The following SLC25A18 variants were observed in gnomAD, a reference collection of about 807,000 sequenced individuals.
SLC25A18 encodes mitochondrial glutamate carrier 2.
SLC25A18 carries 24 observed loss-of-function variants against 31.1 expected under a neutral mutation model. The observed-to-expected ratio is 0.77, with a 90% CI of 0.56 to 1.08. The LOEUF is 1.08. SLC25A18 is among the 50% of genes least tolerant of loss of function. The pLI is 0.00. For synonymous variants in SLC25A18, 173 were observed against 161.9 expected (o/e 1.07, Z -0.52); for missense variants, 371 against 418.5 (o/e 0.89, Z 0.99).
intron 1 of SLC25A18, among the ~76,000 whole-genome samples, chr22:17,566,610 C>T (rs1371566251): frequency 3.9e-5 from 6 of 152,012 alleles, no homozygotes; most frequent in Admixed American, 3.9e-4. Context: ...CGGGGTTTCT[C>T]CACGTTGGTC....
chr22:17,577,676 G>A (rs1197280611), intron 2 of SLC25A18, among the ~76,000 whole-genome samples: 1 of 146,442 alleles, frequency 6.8e-6, no homozygotes, highest in Non-Finnish European at 1.5e-5. Context: ...TGCCTCCCAG[G>A]TTCATGCCAT....
chr22:17,572,779 C>A (rs913625751), intron 2 of SLC25A18, among the ~76,000 whole-genome samples: 1 of 146,752 alleles, frequency 6.8e-6, no homozygotes, highest in Non-Finnish European at 1.5e-5. Context: ...GTAGCTGGGA[C>A]TACAGGCGCC....
At position 17,582,410 on chromosome 22, in the gene SLC25A18, G is replaced by A. The variant is rs574833526; in HGVS notation, c.200-153G>A. The A allele has an allele frequency of 2.2e-5, 12 of 543,362 alleles. No homozygotes were observed. In the East Asian group the frequency reaches 3.1e-4, roughly 14 times the overall value. 33.7% of individuals were successfully genotyped at this position (543,362 alleles called of 1,614,324 possible). ...GAGAATGTGGTAGGGAGTGGGAATG[G>A]AAAGTTATTTCAGTGAATTAGGCTC... is the stretch of plus-strand genomic sequence containing the variant. On this transcript the variant is annotated intron_variant, in intron 5 of 10. Coordinates refer to ENST00000327451, the MANE Select transcript of SLC25A18 (RefSeq NM_031481.3).
chr22:17,569,109 C>G (rs1050103261), intron 1 of SLC25A18, among the ~76,000 whole-genome samples: 1 of 151,446 alleles, frequency 6.6e-6, no homozygotes, highest in East Asian at 2.0e-4. Context: ...CCTGGGTTCA[C>G]GCCATTCTCC....
At chr22:17,577,498 G>A (rs1188768157) in intron 2 of SLC25A18, among the ~76,000 whole-genome samples, 1 of 151,848 alleles carries the variant, frequency 6.6e-6, no homozygotes, top group East Asian at 2.0e-4. Context: ...GAAACAGCAG[G>A]GAATATGATT....
At chr22:17,567,207 T>C (rs182143837) in intron 1 of SLC25A18, among the ~76,000 whole-genome samples, 37 of 152,328 alleles carry the variant, frequency 2.4e-4, no homozygotes, top group Non-Finnish European at 4.3e-4. Flanking sequence ...GAATACCTTT[T>C]ATGTGCCAGG....
Position 17,577,244 on chromosome 22 carries a change from G to C in SLC25A18, c.-200-2501G>C, listed in dbSNP as rs938959545. Among the ~76,000 whole-genome samples, 5 of 151,894 alleles carry C rather than the reference G, an allele frequency of 3.3e-5. No homozygotes were observed. The East Asian group carries it at 9.7e-4, about 29-fold the overall frequency. On this transcript the variant is annotated intron_variant, in intron 2 of 10. Coordinates refer to ENST00000327451, the MANE Select transcript of SLC25A18 (RefSeq NM_031481.3). Reference sequence around the variant, plus strand: ...TCACCATGTTAGCCAGGATGGTCTCGATCTCCTGGCCCTGTGATCCGCCCG... The same window carrying C: ...TCACCATGTTAGCCAGGATGGTCTCCATCTCCTGGCCCTGTGATCCGCCCG...
intron 2 of SLC25A18, among the ~76,000 whole-genome samples, chr22:17,578,196 C>T (rs1392243501): frequency 1.3e-5 from 2 of 152,122 alleles, no homozygotes; most frequent in East Asian, 3.8e-4. Flanking sequence ...GTCTTGAACT[C>T]CTGGGCTCAG....
At chr22:17,578,000 G>T (rs545681928) in intron 2 of SLC25A18, among the ~76,000 whole-genome samples, 9 of 147,064 alleles carry the variant, frequency 6.1e-5, no homozygotes, top group South Asian at 2.1e-4. Context: ...TTCTTCTTTG[G>T]GGGGCATAGG....
rs1044497 is a variant in SLC25A18, at chr22:17,590,826, G to C, written c.*590G>C. 0.39 allele frequency: 59,592 copies of C among 152,640 alleles called. 15,123 individuals are homozygous for C. Among genetic ancestry groups the C allele is most frequent in the African/African-American group, 0.74 (30,482 of 41,460 alleles). The allele number at this position is 152,640 out of a possible 1,614,324, so 9.5% of individuals were successfully genotyped here. ...CTCAGCCCCTCCCCCAGAGCCCAGG[G>C]TCTTGCACACCCCTCCCTGTAACCA... is the stretch of plus-strand genomic sequence containing the variant. On this transcript the variant is annotated 3_prime_UTR_variant, in exon 11 of 11. Transcript: ENST00000327451.
intron 2 of SLC25A18, 67 bp from the exon 3 acceptor site, chr22:17,579,678 A>G (rs2057321596): frequency 5.7e-6 from 7 of 1,236,936 alleles, no homozygotes; most frequent in Non-Finnish European, 7.2e-6. Context: ...AGCGGGCCGC[A>G]TGAATCCACT....
rs1194709865 is a variant in SLC25A18 at position 17,563,677 on chromosome 22, T to A, written c.-300T>A. Reference sequence around the variant, plus strand: ...CCTGGCCCGTGAGTGCCTCAACAACTGAGATGAACGTCGACTCGCTTGCAG... The same window carrying A: ...CCTGGCCCGTGAGTGCCTCAACAACAGAGATGAACGTCGACTCGCTTGCAG... On this transcript the variant is annotated 5_prime_UTR_variant, in exon 1 of 11. Coordinates refer to ENST00000327451, the MANE Select transcript of SLC25A18 (RefSeq NM_031481.3). 4 of 985,168 alleles carry A rather than the reference T, an allele frequency of 4.1e-6. No homozygotes were observed. The highest frequency in any genetic ancestry group is 1.7e-5 in the African/African-American group (1 of 57,192). 61.0% of individuals were successfully genotyped at this position (985,168 alleles called of 1,614,324 possible).
At chr22:17,571,207 G>T (rs1180014644) in intron 2 of SLC25A18, among the ~76,000 whole-genome samples, 1 of 152,166 alleles carries the variant, frequency 6.6e-6, no homozygotes, top group Non-Finnish European at 1.5e-5. Flanking sequence ...GGATTTGAAG[G>T]CAACAAGGCT....
chr22:17,588,240 CTTCT>C (rs770049665), intron 9 of SLC25A18, 161 bp downstream of exon 9: 13 of 713,446 alleles, frequency 1.8e-5, no homozygotes, highest in East Asian at 5.6e-5. Context: ...AGAGACCTTC[CTTCT>C]GTTTCTCATC....
chr22:17,581,522 G>C (rs1316841630), intron 5 of SLC25A18, 109 bp downstream of exon 5: 3 of 1,264,214 alleles, frequency 2.4e-6, no homozygotes, highest in Non-Finnish European at 3.4e-6. Flanking sequence ...GGCTGCCAGG[G>C]GGTCCTTCCT....
At chr22:17,574,711 G>A (rs1441271032) in intron 2 of SLC25A18, among the ~76,000 whole-genome samples, 1 of 150,204 alleles carries the variant, frequency 6.7e-6, no homozygotes, top group Non-Finnish European at 1.5e-5. Context: ...TAGTAGAGAC[G>A]GAGTTTCACT....
At chr22:17,580,102 TAC>T (rs1379817260) in intron 3 of SLC25A18, 138 bp downstream of exon 3, 1 of 715,494 alleles carries the variant, frequency 1.4e-6, no homozygotes, top group African/African-American at 1.8e-5. Context: ...ATATAACATA[TAC>T]ACTACATCTA....
At chr22:17,564,055 C>T (rs767381106) in intron 1 of SLC25A18, among the ~76,000 whole-genome samples, 1 of 152,182 alleles carries the variant, frequency 6.6e-6, no homozygotes, top group Non-Finnish European at 1.5e-5. Flanking sequence ...CGCGTCTTCT[C>T]GGACTCCTTG....
At chr22:17,589,988 G>T in intron 10 of SLC25A18, 107 bp from the exon 11 acceptor site, 3 of 1,466,750 alleles carry the variant, frequency 2.0e-6, no homozygotes, top group Non-Finnish European at 2.8e-6. Flanking sequence ...TCTTGTTGTG[G>T]AAGGCACTAT....
Sources: allele counts gnomAD v4.1 joint callset (sites outside exome capture counted in the v4.1 genomes callset), GRCh38; gene constraint gnomAD v4.1.1; transcripts MANE v1.5; gene names NCBI Gene and HGNC (gene_info 2026-07-23, HGNC 2026-07-21).